UTRN: variants seen among roughly 807,000 people sequenced by gnomAD.
The protein encoded by UTRN is dystrophin-related protein 1.
In UTRN, 283 loss-of-function variants were observed where a neutral mutation model predicts 463.9. That is an observed-to-expected ratio of 0.61 (90% CI 0.55 to 0.67). The LOEUF (loss-of-function observed/expected upper bound fraction) is 0.67. Among genes scored for constraint, UTRN ranks in the 30% least tolerant of loss-of-function variants. The pLI, the probability that UTRN is intolerant of heterozygous loss-of-function variation, is 0.00. For synonymous variants in UTRN, 1,442 were observed against 1,431.5 expected (o/e 1.01, Z -0.17); for missense variants, 3,922 against 4,084.3 (o/e 0.96, Z 1.08).
At chr6:144,399,817 AT>A (rs1340617954) in intron 2 of UTRN, among the ~76,000 whole-genome samples, 1 of 152,206 alleles carries the variant, frequency 6.6e-6, no homozygotes, top group Non-Finnish European at 1.5e-5. Flanking sequence ...AAGTGAAAAC[AT>A]TTTGAAACCA....
chr6:144,836,032 C>A, intron 70 of UTRN, 94 bp downstream of exon 70: 2 of 1,521,392 alleles, frequency 1.3e-6, no homozygotes, highest in Non-Finnish European at 8.8e-7. Flanking sequence ...AGACTATTGT[C>A]TAAGAAATCT....
At chr6:144,824,610 A>C (rs374876617) in intron 66 of UTRN, among the ~76,000 whole-genome samples, 9,115 of 43,258 alleles carry the variant, frequency 0.21, 1,198 homozygotes, top group East Asian at 0.5. Flanking sequence ...ATATATATAT[A>C]TATCTTTTTT....
At chr6:144,355,802 G>A (rs556196914) in intron 2 of UTRN, among the ~76,000 whole-genome samples, 42 of 152,076 alleles carry the variant, frequency 2.8e-4, no homozygotes, top group Admixed American at 1.6e-3. Flanking sequence ...ACTATGTTAC[G>A]TTGATCACAC....
At chr6:144,751,718 A>T in intron 55 of UTRN, 88 bp from the exon 56 acceptor site, 5 of 1,286,106 alleles carry the variant, frequency 3.9e-6, no homozygotes, top group Non-Finnish European at 5.2e-6. Flanking sequence ...GAACCCATGC[A>T]GTTCAGACCT....
chr6:144,651,643 G>A (rs567158630), intron 51 of UTRN, among the ~76,000 whole-genome samples: 86 of 152,216 alleles, frequency 5.6e-4, no homozygotes, highest in African/African-American at 2.0e-3. Context: ...GACTATCATA[G>A]TAGTAGAATG....
rs369836269 is a variant in UTRN, at chr6:144,459,193, T to G, written c.2546T>G (p.Leu849Arg). 6.2e-7 allele frequency: 1 copy of G among 1,612,336 alleles called. No homozygotes were observed. The highest frequency in any genetic ancestry group is 2.2e-5 in the East Asian group (1 of 44,876). The stretch of plus-strand genomic sequence containing the variant: ...CCTTAGCGGGAATTGACAAATCTTC[T>G]TGGCCTTCACCCCAAAATTGAAATG... ...DSCQRELTNL[L>R]GLHPKIEMAR... The change falls in exon 21 of 75, where the codon CTT becomes CGT. Residue 849 changes from leucine (L) to arginine (R), a missense_variant. Transcript: ENST00000367545.
At position 144,551,043 on chromosome 6, in the gene UTRN, G is replaced by A; in HGVS notation, c.6889G>A (p.Ala2297Thr). ...ATTGGCACAGAATTTGAAAAATAAA[G>A]CTTCCAGTTCAGATATGAGAACAGC... ...FTLAQNLKNK[A>T]SSSDMRTAIT... Residue 2297 changes from alanine (A) to threonine (T), a missense_variant, in exon 48 of 75, where the codon GCT becomes ACT. Physicochemically the swap from Ala to Thr is moderately conservative, Grantham distance 58 (BLOSUM62 0). Around this residue, in one of 3 missense-constraint regions of UTRN, gnomAD observed 1,309 missense variants for 1,452.6 expected, o/e 0.90. Transcript: ENST00000367545. 6.2e-7 allele frequency: 1 copy of A among 1,611,504 alleles called. No individual in the cohort carries two copies. The highest frequency in any genetic ancestry group is 8.5e-7 in the Non-Finnish European group (1 of 1,179,278).
intron 58 of UTRN, among the ~76,000 whole-genome samples, chr6:144,771,477 G>A (rs1794000106): frequency 6.6e-6 from 1 of 151,976 alleles, no homozygotes; most frequent in African/African-American, 2.4e-5. Context: ...CCAGGCTACA[G>A]TGCAGTGAAA....
At chr6:144,465,410 A>T (rs1468646814) in intron 23 of UTRN, among the ~76,000 whole-genome samples, 1 of 152,216 alleles carries the variant, frequency 6.6e-6, no homozygotes, top group African/African-American at 2.4e-5. Context: ...AAAAGTGGTC[A>T]CTTGGAAATA....
intron 62 of UTRN, among the ~76,000 whole-genome samples, chr6:144,791,417 C>G (rs1436099515): frequency 6.6e-6 from 1 of 152,042 alleles, no homozygotes; most frequent in East Asian, 1.9e-4. Flanking sequence ...ATCAAAAACA[C>G]ATTTACAGAC....
rs1446183905 is a variant in UTRN, at chr6:144,851,494, A to T, written c.*497A>T. 1 of 157,210 alleles carries T rather than the reference A, an allele frequency of 6.4e-6. No individual in the cohort carries two copies. Among genetic ancestry groups the T allele is most frequent in the Non-Finnish European group, 1.4e-5 (1 of 70,730 alleles). 9.7% of individuals were successfully genotyped at this position (157,210 alleles called of 1,614,324 possible). On this transcript the variant is annotated 3_prime_UTR_variant, in exon 75 of 75. Coordinates refer to ENST00000367545, the MANE Select transcript of UTRN (RefSeq NM_007124.3). ...TTTGGTTATTTATAATTTATCAGCC[A>T]TATGTTTATCAGCCATATAACCAAC...
In UTRN at chr6:144,402,820, G is replaced by A. The variant is rs570652996; in HGVS notation, c.80-303G>A. ...GCTACGGGTACTAGCTGGAAAGTAG[G>A]GCTCTGATTTGATCCGATAAACCTG... On this transcript the variant is annotated intron_variant, in intron 2 of 74. Coordinates refer to ENST00000367545, the MANE Select transcript of UTRN (RefSeq NM_007124.3). 4.6e-5 allele frequency among the ~76,000 whole-genome samples: 7 copies of A among 152,202 alleles called. No homozygotes were observed. In the East Asian group the frequency reaches 1.2e-3, roughly 25 times the overall value.
At chr6:144,830,984 G>A (rs1162160001) in intron 69 of UTRN, among the ~76,000 whole-genome samples, 1 of 152,094 alleles carries the variant, frequency 6.6e-6, no homozygotes, top group Admixed American at 6.5e-5. Context: ...CACAAATCAA[G>A]GTCTTTTTCT....
intron 51 of UTRN, among the ~76,000 whole-genome samples, chr6:144,633,825 A>G (rs1776809795): frequency 6.6e-6 from 1 of 152,276 alleles, no homozygotes; most frequent in South Asian, 2.1e-4. Context: ...CAATCCCAGG[A>G]AACTGAAAAT....
chr6:144,829,482 CA>C (rs1410123403), intron 69 of UTRN, among the ~76,000 whole-genome samples: 3 of 152,082 alleles, frequency 2.0e-5, no homozygotes, highest in African/African-American at 7.2e-5. Flanking sequence ...ACTTTCTCAG[CA>C]AATATTTTAT....
intron 18 of UTRN, among the ~76,000 whole-genome samples, chr6:144,452,670 T>C (rs1416367200): frequency 6.6e-6 from 1 of 151,948 alleles, no homozygotes; most frequent in African/African-American, 2.4e-5. Flanking sequence ...TGGGTTGGGC[T>C]TGCCATGGCT....
rs1479703562 is a variant in UTRN at position 144,520,119 on chromosome 6, G to A, written c.5542-1861G>A. Among the ~76,000 whole-genome samples the A allele has an allele frequency of 2.0e-5, 3 of 152,150 alleles. 1 individual carries two copies. Among genetic ancestry groups the A allele is most frequent in the African/African-American group, 7.2e-5 (3 of 41,428 alleles). Reference sequence around the variant, plus strand: ...TTCAGCAAAATCTTGGTTAATGGATGGGAAGCCAAGAAGGAAAACGGGTCC... The same window carrying A: ...TTCAGCAAAATCTTGGTTAATGGATAGGAAGCCAAGAAGGAAAACGGGTCC... On this transcript the variant is annotated intron_variant, in intron 39 of 74. Coordinates refer to ENST00000367545, the MANE Select transcript of UTRN (RefSeq NM_007124.3).
intron 58 of UTRN, among the ~76,000 whole-genome samples, chr6:144,767,023 C>T (rs909271743): frequency 8.6e-5 from 13 of 151,672 alleles, no homozygotes; most frequent in African/African-American, 2.9e-4. Flanking sequence ...GAAAGGAGTC[C>T]TCATCTAGTA....
At chr6:144,759,119 A>T (rs1792347644) in intron 58 of UTRN, among the ~76,000 whole-genome samples, 1 of 152,106 alleles carries the variant, frequency 6.6e-6, no homozygotes, top group Admixed American at 6.6e-5. Flanking sequence ...TAAATATAAT[A>T]AGCAATATAC....
Sources: allele counts gnomAD v4.1 joint callset (sites outside exome capture counted in the v4.1 genomes callset), GRCh38; gene constraint gnomAD v4.1.1; regional missense constraint gnomAD v4.1.1; transcripts MANE v1.5; gene names NCBI Gene and HGNC (gene_info 2026-07-23, HGNC 2026-07-21).